SHC4: variants seen among roughly 807,000 people sequenced by gnomAD.
The protein encoded by SHC4 is SHC-transforming protein 4.
A neutral mutation model predicts 69.4 loss-of-function variants in SHC4; 41 were observed. The observed-to-expected ratio is 0.59, with a 90% CI of 0.46 to 0.77. The LOEUF (loss-of-function observed/expected upper bound fraction) is 0.77, where lower values mean the gene tolerates loss of function less well. Ranked by LOEUF, SHC4 falls within the 30% of genes least tolerant of loss-of-function variation. SHC4 has a pLI of 0.00. For missense variants in SHC4, 777 were observed against 783.8 expected (o/e 0.99, Z 0.10); for synonymous variants, 318 against 299.3 (o/e 1.06, Z -0.64).
intron 2 of SHC4, among the ~76,000 whole-genome samples, chr15:48,902,185 G>T: frequency 6.8e-6 from 1 of 146,076 alleles, no homozygotes; most frequent in African/African-American, 2.5e-5. Flanking sequence ...CCTGGGCCAG[G>T]AAGTGAGACT....
intron 2 of SHC4, among the ~76,000 whole-genome samples, chr15:48,917,927 T>A (rs1900659492): frequency 6.6e-6 from 1 of 152,196 alleles, no homozygotes; most frequent in Non-Finnish European, 1.5e-5. Context: ...GGCTCCTCCT[T>A]TATTACCAGG....
At chr15:48,951,603 C>T (rs1368468022) in intron 1 of SHC4, among the ~76,000 whole-genome samples, 1 of 152,158 alleles carries the variant, frequency 6.6e-6, no homozygotes, top group Non-Finnish European at 1.5e-5. Context: ...CACTGTTTAA[C>T]CAAGTCAAAT....
Position 48,878,160 on chromosome 15 carries a change from G to A in SHC4, c.841-6018C>T, listed in dbSNP as rs769521487. ...TCTTGCTGGAAGCTTTTTCCTAGAG[G>A]TTGAGCGGTTTGCACAATGTCGGAA... On this transcript the variant is annotated intron_variant, in intron 4 of 11. Coordinates refer to ENST00000332408, the MANE Select transcript of SHC4 (RefSeq NM_203349.4). 3 of 1,529,384 alleles carry A rather than the reference G, an allele frequency of 2.0e-6. No individual in the cohort carries two copies. In the Admixed American group the frequency reaches 6.3e-5, roughly 32 times the overall value. 94.7% of individuals were successfully genotyped at this position (1,529,384 alleles called of 1,614,324 possible). A position where few individuals can be genotyped will look rare whatever the true frequency, so the allele number is the denominator to read the frequency against.
chr15:48,916,313 ACAC>A (rs1900621317), intron 2 of SHC4, among the ~76,000 whole-genome samples: 2 of 141,194 alleles, frequency 1.4e-5, no homozygotes, highest in African/African-American at 2.7e-5. Flanking sequence ...ACACACACAC[ACAC>A]ACCCAGAAGT....
At chr15:48,856,838 TCA>T (rs1899327498) in intron 7 of SHC4, among the ~76,000 whole-genome samples, 1 of 150,208 alleles carries the variant, frequency 6.7e-6, no homozygotes, top group South Asian at 2.1e-4. Context: ...AACTGACAAC[TCA>T]CACAGTTTTG....
chr15:48,920,909 T>A (rs1900739817), intron 2 of SHC4, among the ~76,000 whole-genome samples: 1 of 123,208 alleles, frequency 8.1e-6, no homozygotes, highest in Non-Finnish European at 1.7e-5. Flanking sequence ...ATATCGAGAC[T>A]CTTGTCTCTA....
chr15:48,857,689 G>A lies in SHC4; in HGVS notation c.1070+3C>T. 6.3e-7 allele frequency: 1 copy of A among 1,592,294 alleles called. No individual in the cohort carries two copies. Among genetic ancestry groups the A allele is most frequent in the South Asian group, 1.2e-5 (1 of 86,674 alleles). ...TCAAATTATTATAAAACTCTTGGCT[G>A]ACCTTTCACAAGAAGTATTCAAAGA... On this transcript the variant is annotated splice_donor_region_variant and intron_variant, in intron 7 of 11. Coordinates refer to ENST00000332408, the MANE Select transcript of SHC4 (RefSeq NM_203349.4).
At position 48,942,196 on chromosome 15, in the gene SHC4, T is replaced by C. The variant is rs78219336; in HGVS notation, c.586-17247A>G. ...TATTTTTTTAAAAAAACAAAAACCC[T>C]AGATTCATAAAAACTTTGTGATGGA... On this transcript the variant is annotated intron_variant, in intron 1 of 11. Transcript: ENST00000332408. Among the ~76,000 whole-genome samples, 928 of 152,200 alleles carry C rather than the reference T, an allele frequency of 6.1e-3. 42 individuals carry two copies. In the East Asian group the frequency reaches 0.12, roughly 20 times the overall value.
intron 1 of SHC4, among the ~76,000 whole-genome samples, chr15:48,927,566 T>G (rs1001783030): frequency 1.3e-5 from 2 of 152,142 alleles, no homozygotes; most frequent in Non-Finnish European, 2.9e-5. Flanking sequence ...CTGGCATCTA[T>G]GATCAAAACA....
rs1801915217 is a variant in SHC4, at chr15:48,825,121, C to T, written c.*850G>A. The T allele has an allele frequency of 6.6e-6, 1 of 152,192 alleles. No individual in the cohort carries two copies. Among genetic ancestry groups the T allele is most frequent in the Non-Finnish European group, 1.5e-5 (1 of 68,014 alleles). The allele number at this position is 152,192 out of a possible 1,614,324, so 9.4% of individuals were successfully genotyped here. A position where few individuals can be genotyped will look rare whatever the true frequency, so the allele number is the denominator to read the frequency against. On this transcript the variant is annotated 3_prime_UTR_variant, in exon 12 of 12. Transcript: ENST00000332408. Reference sequence around the variant, plus strand: ...ATGAAGAATACTGGTTTTGTTTGCCCTCTTTTAAATCCATGCACTCATGAG... The same window carrying T: ...ATGAAGAATACTGGTTTTGTTTGCCTTCTTTTAAATCCATGCACTCATGAG...
At chr15:48,827,984 T>C (rs1898720353) in intron 11 of SHC4, among the ~76,000 whole-genome samples, 1 of 152,144 alleles carries the variant, frequency 6.6e-6, no homozygotes, top group Admixed American at 6.5e-5. Context: ...CTTTATTCAC[T>C]TACAGTACTG....
In SHC4 at chr15:48,962,423, G is replaced by A; in HGVS notation, c.585+8C>T. 6.6e-7 allele frequency: 1 copy of A among 1,513,522 alleles called. No individual in the cohort carries two copies. The highest frequency in any genetic ancestry group is 8.8e-7 in the Non-Finnish European group (1 of 1,131,222). The allele number at this position is 1,513,522 out of a possible 1,614,324, so 93.8% of individuals were successfully genotyped here. On this transcript the variant is annotated splice_region_variant and intron_variant, in intron 1 of 11. Transcript: ENST00000332408. ...GTTCTTAGAGGGCAGAGAGGAAAATGGACTTACCCTCACACAGTAGTTCAT... is the reference window on the plus strand; with the variant it reads ...GTTCTTAGAGGGCAGAGAGGAAAATAGACTTACCCTCACACAGTAGTTCAT...
At chr15:48,880,344 C>G (rs1899916805) in intron 4 of SHC4, among the ~76,000 whole-genome samples, 4 of 152,162 alleles carry the variant, frequency 2.6e-5, no homozygotes. Flanking sequence ...ATCCTACTGC[C>G]TCTTCCACTG....
chr15:48,956,566 C>G (rs922540049), intron 1 of SHC4, among the ~76,000 whole-genome samples: 4 of 152,182 alleles, frequency 2.6e-5, no homozygotes, highest in African/African-American at 9.7e-5. Flanking sequence ...CTATCGCTCA[C>G]CTCTTCCAAC....
intron 1 of SHC4, among the ~76,000 whole-genome samples, chr15:48,957,059 T>C (rs1901469362): frequency 7.3e-6 from 1 of 136,082 alleles, no homozygotes; most frequent in Non-Finnish European, 1.5e-5. Context: ...CTCACTACAA[T>C]CTCCACTTCC....
rs528867055 is a variant in SHC4, at chr15:48,877,801, T to C, written c.841-5659A>G. The C allele has an allele frequency of 6.0e-5, 11 of 183,934 alleles. No homozygotes were observed. In the East Asian group the frequency reaches 1.5e-3, roughly 25 times the overall value. The allele number at this position is 183,934 out of a possible 1,614,324, so 11.4% of individuals were successfully genotyped here. On this transcript the variant is annotated intron_variant, in intron 4 of 11. Coordinates refer to ENST00000332408, the MANE Select transcript of SHC4 (RefSeq NM_203349.4). The stretch of plus-strand genomic sequence containing the variant: ...TACAAGTCATCAGTACATCGGTAAA[T>C]TGCCCAGGGGAAGAGGAAGGGGGGG...
In SHC4 at chr15:48,963,049, A is replaced by G. The variant is rs777153432; in HGVS notation, c.-34T>C. ...CAGTGCTGAAACAGGATACTGTTGC[A>G]TAAATCGCCTCGTCGTCTGGTAGAT... On this transcript the variant is annotated 5_prime_UTR_variant, in exon 1 of 12. It removes an upstream start codon present in the reference 5' UTR. Transcript: ENST00000332408. 1.3e-6 allele frequency: 2 copies of G among 1,558,590 alleles called. No homozygotes were observed. Among genetic ancestry groups the G allele is most frequent in the Non-Finnish European group, 1.7e-6 (2 of 1,151,476 alleles).
chr15:48,849,564 A>G (rs1899167081), intron 9 of SHC4, among the ~76,000 whole-genome samples: 2 of 152,318 alleles, frequency 1.3e-5, no homozygotes, highest in African/African-American at 4.8e-5. Context: ...GTCATTAAAT[A>G]AAGTGTTGAA....
rs118170188 is a variant in SHC4, at chr15:48,943,561, C to T, written c.586-18612G>A. Among the ~76,000 whole-genome samples the T allele has an allele frequency of 3.3e-3, 503 of 152,124 alleles. 11 individuals carry two copies. The East Asian group carries it at 0.06, about 18-fold the overall frequency. Reference sequence around the variant, plus strand: ...ACTGTGAATAATGCTACAATGAACACGGGGGTGCAGAAAGCTCTACAAAAT... The same window carrying T: ...ACTGTGAATAATGCTACAATGAACATGGGGGTGCAGAAAGCTCTACAAAAT... On this transcript the variant is annotated intron_variant, in intron 1 of 11. Transcript: ENST00000332408.
Sources: allele counts gnomAD v4.1 joint callset (sites outside exome capture counted in the v4.1 genomes callset), GRCh38; gene constraint gnomAD v4.1.1; transcripts MANE v1.5; gene names NCBI Gene and HGNC (gene_info 2026-07-23, HGNC 2026-07-21).